ERBB4: variants seen among roughly 807,000 people sequenced by gnomAD.
ERBB4 encodes receptor tyrosine-protein kinase erbB-4.
Under a neutral mutation model 158.0 loss-of-function variants are expected in ERBB4, and 42 were observed. That is an observed-to-expected ratio of 0.27 (90% CI 0.21 to 0.34). The LOEUF is 0.34. Ranked by LOEUF, ERBB4 falls within the 10% of genes least tolerant of loss-of-function variation. ERBB4 has a pLI of 1.00. For synonymous variants in ERBB4, 583 were observed against 558.7 expected (o/e 1.04, Z -0.61); for missense variants, 1,333 against 1,624.1 (o/e 0.82, Z 3.08).
At chr2:212,187,971 A>T (rs2082064999) in intron 1 of ERBB4, among the ~76,000 whole-genome samples, 1 of 152,204 alleles carries the variant, frequency 6.6e-6, no homozygotes, top group Non-Finnish European at 1.5e-5. Context: ...TCTAACTTCA[A>T]TCCTATAATA....
chr2:211,944,529 C>G (rs1293655431), intron 3 of ERBB4, among the ~76,000 whole-genome samples: 1 of 151,490 alleles, frequency 6.6e-6, no homozygotes, highest in Non-Finnish European at 1.5e-5. Flanking sequence ...CATTTTCACC[C>G]GAACATGCAG....
chr2:212,021,244 C>A (rs186862078), intron 2 of ERBB4, among the ~76,000 whole-genome samples: 1 of 152,170 alleles, frequency 6.6e-6, no homozygotes, highest in African/African-American at 2.4e-5. Flanking sequence ...TAATTATTGT[C>A]TGATGCCTAA....
intron 1 of ERBB4, among the ~76,000 whole-genome samples, chr2:212,418,616 C>CA (rs1043018184): frequency 5.3e-5 from 8 of 150,570 alleles, no homozygotes; most frequent in Non-Finnish European, 7.4e-5. Flanking sequence ...ATTATAAAAA[C>CA]AAAAAAAATT....
In ERBB4 at chr2:212,428,476, T is replaced by C. The variant is rs571371871; in HGVS notation, c.82+109973A>G. On this transcript the variant is annotated intron_variant, in intron 1 of 27. Transcript: ENST00000342788. ...GAGGAATCTGAAAAAGTCAAATTCA[T>C]AGAACCAAAGGGTGAAATGATAGTT... Among the ~76,000 whole-genome samples the C allele has an allele frequency of 2.1e-4, 32 of 152,072 alleles. No homozygotes were observed. In the Middle Eastern group the frequency reaches 0.017, roughly 81 times the overall value.
intron 3 of ERBB4, among the ~76,000 whole-genome samples, chr2:211,894,404 A>C (rs1224847865): frequency 1.6e-5 from 2 of 127,108 alleles, no homozygotes; most frequent in African/African-American, 6.1e-5. Flanking sequence ...CACTCTGGGG[A>C]CTGTGGTGGG....
chr2:211,941,257 A>ATT lies in ERBB4; in HGVS notation c.421+6171_421+6172dup, dbSNP rs34846131. 1.3e-3 allele frequency among the ~76,000 whole-genome samples: 190 copies of ATT among 143,762 alleles called. 1 individual carries two copies. The highest frequency in any genetic ancestry group is 4.4e-3 in the African/African-American group (172 of 39,528). The allele number at this position is 143,762 out of a possible 152,430, so 94.3% of individuals were successfully genotyped here. A position where few individuals can be genotyped will look rare whatever the true frequency, so the allele number is the denominator to read the frequency against. The stretch of plus-strand genomic sequence containing the variant: ...ACCCTTAAGCTAAGAGTACTCTTAG[A>ATT]TTTTTTTTTTTTTTTGGCGGCAAAT... On this transcript the variant is annotated intron_variant, in intron 3 of 27. Transcript: ENST00000342788.
At chr2:212,017,344 C>T (rs1023360223) in intron 2 of ERBB4, among the ~76,000 whole-genome samples, 4 of 152,004 alleles carry the variant, frequency 2.6e-5, no homozygotes, top group African/African-American at 9.7e-5. Flanking sequence ...TTGAGAGACA[C>T]ACAACTCTAT....
In ERBB4 at chr2:211,511,916, TG is replaced by T. The variant is rs1449192690; in HGVS notation, c.2487+49986del. Among the ~76,000 whole-genome samples, 11 of 152,194 alleles carry T rather than the reference TG, an allele frequency of 7.2e-5. 1 individual carries two copies. The highest frequency in any genetic ancestry group is 2.6e-4 in the African/African-American group (11 of 41,554). ...TGAAAAGCAGAACACAAGACTTACA[TG>T]GAACAATAAGGTCTAAATTCCCATG... On this transcript the variant is annotated intron_variant, in intron 20 of 27. Transcript: ENST00000342788.
intron 1 of ERBB4, among the ~76,000 whole-genome samples, chr2:212,192,410 G>C (rs1211307903): frequency 2.0e-5 from 3 of 151,744 alleles, no homozygotes; most frequent in African/African-American, 7.2e-5. Flanking sequence ...TTTCTCCTGA[G>C]TATTATAATC....
intron 2 of ERBB4, among the ~76,000 whole-genome samples, chr2:212,074,098 A>T (rs1233963524): frequency 6.6e-6 from 1 of 152,038 alleles, no homozygotes; most frequent in Non-Finnish European, 1.5e-5. Context: ...AGCATGAGTC[A>T]AATAGTGTAG....
At chr2:212,383,231 C>G (rs1560173165) in intron 1 of ERBB4, among the ~76,000 whole-genome samples, 1 of 151,258 alleles carries the variant, frequency 6.6e-6, no homozygotes, top group African/African-American at 2.4e-5. Flanking sequence ...AGATGACTTA[C>G]CAGTTAACCA....
chr2:211,554,524 G>C (rs1399580339), intron 20 of ERBB4, among the ~76,000 whole-genome samples: 3 of 152,222 alleles, frequency 2.0e-5, no homozygotes, highest in Non-Finnish European at 4.4e-5. Context: ...TGCAGGTACA[G>C]GCAGCTGTAG....
chr2:212,406,865 C>G (rs2091360456), intron 1 of ERBB4, among the ~76,000 whole-genome samples: 1 of 152,088 alleles, frequency 6.6e-6, no homozygotes, highest in Non-Finnish European at 1.5e-5. Context: ...TCCTCTTCCT[C>G]TCCACACATT....
intron 19 of ERBB4, among the ~76,000 whole-genome samples, chr2:211,590,982 C>T (rs954765761): frequency 1.3e-5 from 2 of 152,164 alleles, no homozygotes; most frequent in South Asian, 2.1e-4. Context: ...TTTCACCAAA[C>T]GTGATCTTAA....
intron 1 of ERBB4, among the ~76,000 whole-genome samples, chr2:212,150,879 G>A (rs1470641976): frequency 6.6e-6 from 1 of 152,100 alleles, no homozygotes; most frequent in Admixed American, 6.6e-5. Flanking sequence ...GTTCATGCAT[G>A]CTTGGCCTTC....
intron 2 of ERBB4, among the ~76,000 whole-genome samples, chr2:212,076,565 T>A (rs2078280479): frequency 6.6e-6 from 1 of 151,872 alleles, no homozygotes; most frequent in Admixed American, 6.6e-5. Flanking sequence ...GAATATAATG[T>A]GGTAAGTGAT....
At chr2:211,724,173 T>C (rs2074190294) in intron 6 of ERBB4, among the ~76,000 whole-genome samples, 1 of 152,158 alleles carries the variant, frequency 6.6e-6, no homozygotes, top group Non-Finnish European at 1.5e-5. Flanking sequence ...TTTTAACATT[T>C]TTATTTCCTT....
intron 13 of ERBB4, among the ~76,000 whole-genome samples, chr2:211,676,744 T>C (rs1203433557): frequency 6.6e-6 from 1 of 152,198 alleles, no homozygotes; most frequent in Non-Finnish European, 1.5e-5. Flanking sequence ...GTATTGCACA[T>C]ATATATTCAA....
At chr2:211,870,597 C>G (rs1444102108) in intron 3 of ERBB4, among the ~76,000 whole-genome samples, 1 of 152,064 alleles carries the variant, frequency 6.6e-6, no homozygotes, top group Non-Finnish European at 1.5e-5. Flanking sequence ...TCACTAGCAC[C>G]CTTTGTGGTA....
Sources: gnomAD v4.1 joint callset for allele counts (sites outside exome capture counted in the v4.1 genomes callset) on GRCh38, gnomAD v4.1.1 for gene constraint, MANE v1.5 for transcripts, NCBI Gene and HGNC (gene_info 2026-07-23, HGNC 2026-07-21) for gene names.